GRIP2: variants seen among roughly 807,000 people sequenced by gnomAD.
GRIP2 encodes glutamate receptor-interacting protein 2.
A neutral mutation model predicts 108.3 loss-of-function variants in GRIP2; 58 were observed. That is an observed-to-expected ratio of 0.54 (90% CI 0.43 to 0.67). The LOEUF (loss-of-function observed/expected upper bound fraction) is 0.67. Among genes scored for constraint, GRIP2 ranks in the 30% least tolerant of loss-of-function variants. The pLI, the probability that GRIP2 is intolerant of heterozygous loss-of-function variation, is 0.00. For missense variants in GRIP2, 1,278 were observed against 1,430.6 expected (o/e 0.89, Z 1.72); for synonymous variants, 586 against 598.2 (o/e 0.98, Z 0.30).
chr3:14,557,111 C>T (rs1190489525), upstream of GRIP2, among the ~76,000 whole-genome samples: 1 of 152,232 alleles, frequency 6.6e-6, no homozygotes, highest in Non-Finnish European at 1.5e-5. Flanking sequence ...AGGGTTCCCC[C>T]ACATGCAGAA....
At chr3:14,565,562 A>G in the GRIP2 span, among the ~76,000 whole-genome samples, 1 of 151,760 alleles carries the variant, frequency 6.6e-6, no homozygotes, top group Non-Finnish European at 1.5e-5. Context: ...CAAATCCCAC[A>G]CCCCAAGTCC....
Position 14,538,060 on chromosome 3 carries a change from C to T in GRIP2, c.40+2209G>A, listed in dbSNP as rs184511072. On this transcript the variant is annotated intron_variant, in intron 1 of 23. Coordinates refer to ENST00000621039, the MANE Select transcript of GRIP2 (RefSeq NM_001080423.4). ...GAAAGCAAGACTCCCTGGAGTGAGA[C>T]GACATGCCCAGGGTGTGGGGCCTGA... Among the ~76,000 whole-genome samples the T allele has an allele frequency of 3.1e-3, 474 of 152,276 alleles. 4 individuals carry two copies. Among genetic ancestry groups the T allele is most frequent in the African/African-American group, 9.7e-3 (402 of 41,546 alleles).
intron 5 of GRIP2, 99 bp from the exon 6 acceptor site, chr3:14,523,174 T>C (rs1694460227): frequency 1.2e-6 from 1 of 857,648 alleles, no homozygotes; most frequent in Non-Finnish European, 1.9e-6. Flanking sequence ...ATAAAACCTG[T>C]TTGAGGACCT....
chr3:14,566,470 C>T, the GRIP2 span, among the ~76,000 whole-genome samples: 29 of 152,360 alleles, frequency 1.9e-4, no homozygotes, highest in South Asian at 6.0e-3. Context: ...ACCCACCACG[C>T]TGTGGTCTGG....
chr3:14,540,513 A>G (rs1330589011), upstream of GRIP2: 4 of 1,164,922 alleles, frequency 3.4e-6, no homozygotes, highest in Non-Finnish European at 4.7e-6. This position sits in a 1 kb window ranked among gnomAD's most constrained non-coding sequence, Gnocchi z 4.1. Context: ...AGGGTCCAAC[A>G]TGCCCCACCC....
Position 14,513,653 on chromosome 3 carries a change from C to T in GRIP2, c.1639+12G>A, listed in dbSNP as rs1474916461. 1 of 1,594,912 alleles carries T rather than the reference C, an allele frequency of 6.3e-7. No individual in the cohort carries two copies. The highest frequency in any genetic ancestry group is 8.5e-7 in the Non-Finnish European group (1 of 1,171,416). ...CTGAAATATGAGGAGGAAGCTTGGG[C>T]CACTCACTCACCCGCCACATCGAAC... On this transcript the variant is annotated intron_variant, in intron 13 of 23. Transcript: ENST00000621039.
At chr3:14,513,985 G>GCTGGACCTTT (rs1209415830) in intron 12 of GRIP2, among the ~76,000 whole-genome samples, 175 bp from the exon 13 acceptor site, 1 of 152,234 alleles carries the variant, frequency 6.6e-6, no homozygotes, top group Non-Finnish European at 1.5e-5. Context: ...GCTGGACCTT[G>GCTGGACCTTT]CTGGACCTCA....
the GRIP2 span, among the ~76,000 whole-genome samples, chr3:14,583,199 G>A: frequency 1.3e-5 from 2 of 152,102 alleles, no homozygotes; most frequent in Non-Finnish European, 2.9e-5. Flanking sequence ...TTCCTGGCTC[G>A]TGGATGAGTT....
chr3:14,492,300 G>A lies in GRIP2; in HGVS notation c.*1365C>T, dbSNP rs1701354469. 1 of 152,290 alleles carries A rather than the reference G, an allele frequency of 6.6e-6. No homozygotes were observed. The highest frequency in any genetic ancestry group is 6.5e-5 in the Admixed American group (1 of 15,282). 9.4% of individuals were successfully genotyped at this position (152,290 alleles called of 1,614,324 possible). The stretch of plus-strand genomic sequence containing the variant: ...GGACCCCAGGTTGGAGACAGATGGA[G>A]GTGGGAGTGGGTGCCCCGTTTTCCT... On this transcript the variant is annotated 3_prime_UTR_variant, in exon 24 of 24. Transcript: ENST00000621039.
the GRIP2 span, among the ~76,000 whole-genome samples, chr3:14,588,360 C>T: frequency 6.6e-6 from 1 of 152,156 alleles, no homozygotes; most frequent in Non-Finnish European, 1.5e-5. Context: ...GACCCTGGGC[C>T]ACCCTCTCTC....
the GRIP2 span, among the ~76,000 whole-genome samples, chr3:14,592,849 A>G: frequency 1.3e-5 from 2 of 152,130 alleles, no homozygotes; most frequent in Non-Finnish European, 2.9e-5. Context: ...CAGAGCAAAA[A>G]CATGGAGCCA....
In GRIP2 at chr3:14,551,784, C is replaced by T. The variant is rs553023137; in HGVS notation, c.55+4116G>A. 1.2e-3 allele frequency among the ~76,000 whole-genome samples: 184 copies of T among 152,288 alleles called. 5 individuals are homozygous for T. The highest frequency in any genetic ancestry group is 2.0e-4 in the Admixed American group (3 of 15,304). On this transcript the variant is annotated intron_variant, in intron 1 of 23. Transcript: ENST00000637182. The stretch of plus-strand genomic sequence containing the variant: ...GAAATGTTTGGACTTGGAAGTCAGG[C>T]GGCCTGGGTAGGCTCATGCTCTACT...
Position 14,520,190 on chromosome 3 carries a change from AG to A in GRIP2, c.949del (p.Leu317TrpfsTer22). ...HCSLLEATKL[L>X]ASISEKVRLE... ...CCGCACCTTCTCTGAAATGCTGGCC[AG>A]GAGCTTGGTGGCCTCAAGCAGCGAG... On this transcript the variant is annotated frameshift_variant, in exon 9 of 24. Coordinates refer to ENST00000621039, the MANE Select transcript of GRIP2 (RefSeq NM_001080423.4). LOFTEE classifies it high-confidence loss of function. The A allele has an allele frequency of 1.2e-6, 2 of 1,613,296 alleles. No individual in the cohort carries two copies. Among genetic ancestry groups the A allele is most frequent in the Non-Finnish European group, 1.7e-6 (2 of 1,179,754 alleles).
chr3:14,521,934 G>C lies in GRIP2; in HGVS notation c.567-147C>G, dbSNP rs545758661. On this transcript the variant is annotated intron_variant, in intron 6 of 23. Coordinates refer to ENST00000621039, the MANE Select transcript of GRIP2 (RefSeq NM_001080423.4). This position sits in a 1 kb window ranked among gnomAD's most constrained non-coding sequence, Gnocchi z 5.1. ...GGGAGGAGGGGACGGGTGAAGGGGC[G>C]CATGAGTGAGTGAAGGAATGAGCCA... The C allele has an allele frequency of 2.9e-6, 2 of 701,552 alleles. No homozygotes were observed. The highest frequency in any genetic ancestry group is 2.3e-6 in the Non-Finnish European group (1 of 442,330). The allele number at this position is 701,552 out of a possible 1,614,324, so 43.5% of individuals were successfully genotyped here.
At chr3:14,587,912 T>TA in the GRIP2 span, among the ~76,000 whole-genome samples, 3 of 152,190 alleles carry the variant, frequency 2.0e-5, no homozygotes, top group Non-Finnish European at 4.4e-5. Context: ...ACTCCGTCTA[T>TA]AAAAAATGTG....
At chr3:14,546,047 T>G (rs1695052707), upstream of GRIP2, among the ~76,000 whole-genome samples, 1 of 152,098 alleles carries the variant, frequency 6.6e-6, no homozygotes, top group African/African-American at 2.4e-5. Context: ...AGGCAGGTGG[T>G]CAGGGAGAGG....
chr3:14,583,541 G>A, the GRIP2 span, among the ~76,000 whole-genome samples: 1 of 152,162 alleles, frequency 6.6e-6, no homozygotes, highest in African/African-American at 2.4e-5. Context: ...CGGGAGGCTG[G>A]GAGGCTGGGA....
At chr3:14,569,254 G>A in the GRIP2 span, among the ~76,000 whole-genome samples, 42,037 of 152,180 alleles carry the variant, frequency 0.28, 6,272 homozygotes, top group Middle Eastern at 0.36. Context: ...CAACTTCTGG[G>A]GAAGAAAATG....
chr3:14,507,760 G>A lies in GRIP2; in HGVS notation c.2079-60C>T. 1 of 1,575,556 alleles carries A rather than the reference G, an allele frequency of 6.3e-7. No individual in the cohort carries two copies. Among genetic ancestry groups the A allele is most frequent in the Non-Finnish European group, 8.7e-7 (1 of 1,148,496 alleles). On this transcript the variant is annotated intron_variant, in intron 17 of 23. Coordinates refer to ENST00000621039, the MANE Select transcript of GRIP2 (RefSeq NM_001080423.4). The surrounding 1 kb of genome is among the most constrained non-coding windows in gnomAD (Gnocchi z 4.6). ...AGACACTCAGGGCCTCAGAGTGGCA[G>A]TCTGCCCTCAGGGAATCCAGGAGAG...
Sources: gnomAD v4.1 joint callset for allele counts (sites outside exome capture counted in the v4.1 genomes callset) on GRCh38, gnomAD v4.1.1 for gene constraint, Gnocchi (gnomAD v3.1) non-coding constraint, MANE v1.5 for transcripts, NCBI Gene and HGNC (gene_info 2026-07-23, HGNC 2026-07-21) for gene names.